SGCZ: variants seen among roughly 807,000 people sequenced by gnomAD.
SGCZ encodes the protein sarcoglycan zeta.
Under a neutral mutation model 41.3 loss-of-function variants are expected in SGCZ, and 40 were observed. That is an observed-to-expected ratio of 0.97 (90% CI 0.75 to 1.26). The LOEUF is 1.26. Among genes scored for constraint, SGCZ ranks in the 50% most tolerant of loss-of-function variants. The pLI is 0.00. For missense variants in SGCZ, 552 were observed against 369.8 expected (o/e 1.49, Z -4.04); for synonymous variants, 206 against 137.5 (o/e 1.50, Z -3.49).
At chr8:14,718,829 TTTTG>T (rs980549861) in intron 1 of SGCZ, among the ~76,000 whole-genome samples, 49 of 149,670 alleles carry the variant, frequency 3.3e-4, no homozygotes, top group Non-Finnish European at 6.1e-4. Flanking sequence ...TTTTCTTTTT[TTTTG>T]TTTAAGAATA....
chr8:14,547,826 C>G (rs1205907261), intron 2 of SGCZ, among the ~76,000 whole-genome samples: 1 of 152,160 alleles, frequency 6.6e-6, no homozygotes, highest in Non-Finnish European at 1.5e-5. Context: ...AACCTTCAAT[C>G]AGGTTAACAT....
chr8:14,644,678 C>T (rs1215755631), intron 1 of SGCZ, among the ~76,000 whole-genome samples: 1 of 151,624 alleles, frequency 6.6e-6, no homozygotes, highest in Non-Finnish European at 1.5e-5. Flanking sequence ...TTATGGCATG[C>T]TTCAAAATTT....
intron 1 of SGCZ, among the ~76,000 whole-genome samples, chr8:14,754,823 T>C (rs1799607096): frequency 6.6e-6 from 1 of 152,014 alleles, no homozygotes; most frequent in African/African-American, 2.4e-5. Context: ...ATGCCTTGAG[T>C]AGGTGGGACT....
Position 14,570,599 on chromosome 8 carries a change from T to G in SGCZ, c.40-15673A>C, listed in dbSNP as rs189764376. On this transcript the variant is annotated intron_variant, in intron 1 of 7. Transcript: ENST00000382080. The stretch of plus-strand genomic sequence containing the variant: ...TGAATATATTTTCTAAGAAAAATTA[T>G]GTAATATTTAGAATTTCTGAAGGAA... Among the ~76,000 whole-genome samples, 20 of 152,326 alleles carry G rather than the reference T, an allele frequency of 1.3e-4. No homozygotes were observed. In the East Asian group the frequency reaches 2.7e-3, roughly 21 times the overall value.
chr8:15,110,748 C>A (rs1158154557), intron 1 of SGCZ, among the ~76,000 whole-genome samples: 1 of 152,120 alleles, frequency 6.6e-6, no homozygotes, highest in Non-Finnish European at 1.5e-5. Flanking sequence ...GCGGGCGGAT[C>A]ACCTGAGGTC....
intron 3 of SGCZ, among the ~76,000 whole-genome samples, chr8:14,253,570 G>C (rs1401396941): frequency 6.6e-6 from 1 of 151,806 alleles, no homozygotes; most frequent in African/African-American, 2.4e-5. Context: ...TATTATATCT[G>C]TATCCATATA....
intron 1 of SGCZ, among the ~76,000 whole-genome samples, chr8:15,007,369 T>C (rs1276523301): frequency 3.9e-5 from 6 of 152,206 alleles, no homozygotes; most frequent in Admixed American, 1.3e-4. Context: ...CAAAAATATC[T>C]TGCAATTTGT....
intron 2 of SGCZ, among the ~76,000 whole-genome samples, chr8:14,412,188 C>G (rs1263363040): frequency 6.6e-6 from 1 of 152,040 alleles, no homozygotes; most frequent in Non-Finnish European, 1.5e-5. Context: ...TTTAGTCTCA[C>G]AGACCGGAAT....
At chr8:14,820,754 GA>G (rs371027856) in intron 1 of SGCZ, among the ~76,000 whole-genome samples, 219 of 151,512 alleles carry the variant, frequency 1.4e-3, no homozygotes, top group African/African-American at 5.1e-3. Context: ...GGTTAATGAA[GA>G]AATTAAAAGG....
intron 1 of SGCZ, among the ~76,000 whole-genome samples, chr8:14,792,811 C>A (rs1243303361): frequency 1.3e-5 from 2 of 152,042 alleles, no homozygotes; most frequent in African/African-American, 4.8e-5. Flanking sequence ...TGCTTCTCAT[C>A]CTCTTCTTTG....
At chr8:15,033,480 C>T (rs564072549) in intron 1 of SGCZ, among the ~76,000 whole-genome samples, 3 of 152,154 alleles carry the variant, frequency 2.0e-5, no homozygotes, top group South Asian at 4.2e-4. Flanking sequence ...ACCTAGGGTC[C>T]AATATCACCT....
chr8:14,614,919 A>C (rs1285513564), intron 1 of SGCZ, among the ~76,000 whole-genome samples: 2 of 152,170 alleles, frequency 1.3e-5, no homozygotes, highest in Non-Finnish European at 2.9e-5. Flanking sequence ...CTTTATATGT[A>C]TATTTTATCA....
At chr8:14,137,147 C>G (rs1803224229) in intron 5 of SGCZ, among the ~76,000 whole-genome samples, 1 of 152,168 alleles carries the variant, frequency 6.6e-6, no homozygotes, top group Non-Finnish European at 1.5e-5. Context: ...AAAAGGACAT[C>G]CACACCAAAA....
At chr8:14,848,961 G>T (rs971376488) in intron 1 of SGCZ, among the ~76,000 whole-genome samples, 4 of 152,016 alleles carry the variant, frequency 2.6e-5, no homozygotes, top group African/African-American at 9.7e-5. Context: ...AATATGTAAA[G>T]AGCTGTCAAA....
intron 3 of SGCZ, among the ~76,000 whole-genome samples, chr8:14,301,027 T>G (rs115053422): frequency 0.012 from 1,846 of 151,628 alleles, 42 homozygotes; most frequent in African/African-American, 0.041. Context: ...CACCCCCACT[T>G]ATGATGTGAG....
intron 4 of SGCZ, among the ~76,000 whole-genome samples, chr8:14,166,459 C>T (rs191091197): frequency 2.0e-5 from 3 of 152,176 alleles, no homozygotes; most frequent in Non-Finnish European, 4.4e-5. Context: ...TGCCAGAGGC[C>T]AATGTGTTAA....
intron 1 of SGCZ, among the ~76,000 whole-genome samples, chr8:15,135,658 A>T (rs1808073933): frequency 6.6e-6 from 1 of 152,194 alleles, no homozygotes; most frequent in Admixed American, 6.5e-5. Context: ...TGATTAAGGT[A>T]AGTAAGCAAG....
chr8:14,203,720 A>G (rs1805529687), intron 4 of SGCZ, among the ~76,000 whole-genome samples: 1 of 152,166 alleles, frequency 6.6e-6, no homozygotes, highest in African/African-American at 2.4e-5. Flanking sequence ...TTATTAACTA[A>G]TGAGGGCTAT....
intron 1 of SGCZ, among the ~76,000 whole-genome samples, chr8:14,687,808 C>T (rs1289961668): frequency 6.6e-6 from 1 of 152,042 alleles, no homozygotes; most frequent in Non-Finnish European, 1.5e-5. Flanking sequence ...TACAGTCCCA[C>T]CAATAGTGTA....
Sources: gnomAD v4.1 joint callset for allele counts (sites outside exome capture counted in the v4.1 genomes callset) on GRCh38, gnomAD v4.1.1 for gene constraint, MANE v1.5 for transcripts, NCBI Gene and HGNC (gene_info 2026-07-23, HGNC 2026-07-21) for gene names.